The following C14orf39 variants were observed in gnomAD, a reference collection of about 807,000 sequenced individuals.
C14orf39 encodes protein SIX6OS1.
A neutral mutation model predicts 85.6 loss-of-function variants in C14orf39; 66 were observed. The observed-to-expected ratio is 0.77, with a 90% CI of 0.63 to 0.95. The LOEUF is 0.95. C14orf39 is among the 40% of genes least tolerant of loss of function. The pLI is 0.00. For synonymous variants in C14orf39, 242 were observed against 214.0 expected (o/e 1.13, Z -1.14); for missense variants, 735 against 663.9 (o/e 1.11, Z -1.18).
At chr14:60,455,404 C>T (rs768786291) in intron 15 of C14orf39, among the ~76,000 whole-genome samples, 2 of 152,076 alleles carry the variant, frequency 1.3e-5, no homozygotes, top group Non-Finnish European at 2.9e-5. Context: ...TTCCATTTTA[C>T]AGTAGGGAAT....
rs1891311273 is a variant in C14orf39 at position 60,457,042 on chromosome 14, T to C, written c.1233A>G (p.Val411=). 1 of 1,609,516 alleles carries C rather than the reference T, an allele frequency of 6.2e-7. No individual in the cohort carries two copies. The highest frequency in any genetic ancestry group is 8.5e-7 in the Non-Finnish European group (1 of 1,177,592). Reference sequence around the variant, plus strand: ...GTGGAAAATTCTCAGCTCTCTCTTCTACTTCATCACTATCATTTTCTACTG... The same window carrying C: ...GTGGAAAATTCTCAGCTCTCTCTTCCACTTCATCACTATCATTTTCTACTG... The part of the protein sequence containing the change: ...GKSVENDSDE[V]EERAENFPRT... Residue 411 remains valine, a synonymous_variant, in exon 15 of 18, where the codon GTA becomes GTG. Transcript: ENST00000321731.
At chr14:60,458,885 A>C in intron 13 of C14orf39, 146 bp from the exon 14 acceptor site, 1 of 558,610 alleles carries the variant, frequency 1.8e-6, no homozygotes, top group Non-Finnish European at 3.1e-6. Flanking sequence ...ATACATACAG[A>C]TAAGAGAATA....
At chr14:60,473,262 T>C (rs1329497502) in intron 5 of C14orf39, among the ~76,000 whole-genome samples, 2 of 152,226 alleles carry the variant, frequency 1.3e-5, no homozygotes, top group African/African-American at 4.8e-5. Context: ...CTTTGTTTTT[T>C]CTTATAAATT....
chr14:60,497,840 C>G (rs553730860), intron 2 of C14orf39, among the ~76,000 whole-genome samples: 3 of 151,962 alleles, frequency 2.0e-5, no homozygotes, highest in Admixed American at 2.0e-4. Context: ...CAAGTTCGCA[C>G]CACTGCACTC....
At chr14:60,460,374 A>G (rs1311227877) in intron 13 of C14orf39, among the ~76,000 whole-genome samples, 1 of 151,806 alleles carries the variant, frequency 6.6e-6, no homozygotes, top group African/African-American at 2.4e-5. Context: ...TTTCTCCCAG[A>G]AGGAATATCT....
chr14:60,506,809 A>G (rs1446921732), intron 1 of C14orf39, among the ~76,000 whole-genome samples: 3 of 152,198 alleles, frequency 2.0e-5, no homozygotes, highest in African/African-American at 2.4e-5. Context: ...CGCGAGCCTC[A>G]GACACGCAGA....
chr14:60,478,762 T>C (rs1892509632), intron 4 of C14orf39, among the ~76,000 whole-genome samples: 1 of 152,158 alleles, frequency 6.6e-6, no homozygotes, highest in Admixed American at 6.6e-5. Context: ...AAAAATTCTT[T>C]TGGAGTAAGC....
chr14:60,460,968 T>C (rs1354223241), intron 13 of C14orf39, among the ~76,000 whole-genome samples: 1 of 151,732 alleles, frequency 6.6e-6, no homozygotes, highest in Non-Finnish European at 1.5e-5. Context: ...TATACAGTCA[T>C]TACAAATAAA....
intron 16 of C14orf39, among the ~76,000 whole-genome samples, chr14:60,446,339 T>C (rs940510445): frequency 2.0e-5 from 3 of 152,034 alleles, no homozygotes; most frequent in Non-Finnish European, 2.9e-5. Context: ...AAGAATCAAA[T>C]AGATGCAATA....
In C14orf39 at chr14:60,471,655, A is replaced by G; in HGVS notation, c.408T>C (p.Arg136=). The change falls in exon 6 of 18, where the codon CGT becomes CGC. Residue 136 remains arginine (R), a synonymous_variant. Transcript: ENST00000321731. ...GTTCTCTTTTCTTCTCATAATATTC[A>G]CGTGAAAAGGGTGTTTCTGAGTATT... ...QLKYSETPFS[R]EYYEKKREHE... 6.2e-7 allele frequency: 1 copy of G among 1,610,452 alleles called. No homozygotes were observed. The highest frequency in any genetic ancestry group is 8.5e-7 in the Non-Finnish European group (1 of 1,177,662).
intron 1 of C14orf39, among the ~76,000 whole-genome samples, chr14:60,502,311 G>A (rs1297099335): frequency 6.6e-6 from 1 of 151,896 alleles, no homozygotes; most frequent in Non-Finnish European, 1.5e-5. Flanking sequence ...AGGAGAAAAG[G>A]GAACATAAAT....
At chr14:60,447,144 C>A (rs1338285315) in intron 16 of C14orf39, among the ~76,000 whole-genome samples, 1 of 152,298 alleles carries the variant, frequency 6.6e-6, no homozygotes, top group African/African-American at 2.4e-5. Flanking sequence ...GGGCACAAGA[C>A]AAGGATGCCC....
rs17097448 is a variant in C14orf39 at position 60,457,169 on chromosome 14, G to T, written c.1180-74C>A. The T allele has an allele frequency of 7.1e-3, 6,648 of 933,444 alleles. 527 individuals are homozygous for T. In the East Asian group the frequency reaches 0.17, roughly 23 times the overall value. The allele number at this position is 933,444 out of a possible 1,614,324, so 57.8% of individuals were successfully genotyped here. The stretch of plus-strand genomic sequence containing the variant: ...AATGACATACATAAAAATGCATGAG[G>T]TGGAAAATACCTTATTAATCCATGA... On this transcript the variant is annotated intron_variant, in intron 14 of 17. Transcript: ENST00000321731.
rs1891306086 is a variant in C14orf39, at chr14:60,456,955, C to T, written c.1320G>A (p.Leu440=). The T allele has an allele frequency of 2.5e-6, 4 of 1,590,992 alleles. No individual in the cohort carries two copies. Among genetic ancestry groups the T allele is most frequent in the Non-Finnish European group, 3.4e-6 (4 of 1,173,162 alleles). Residue 440 remains leucine, a synonymous_variant, in exon 15 of 18, where the codon TTG becomes TTA. Transcript: ENST00000321731. Reference sequence around the variant, plus strand: ...GGGTTTTAGGGAATTTTATTTTCTCCAATGACTCAGGTGCTTTCACAGCTT... The same window carrying T: ...GGGTTTTAGGGAATTTTATTTTCTCTAATGACTCAGGTGCTTTCACAGCTT... The part of the protein sequence containing the change: ...TPKAVKAPES[L]EKIKFPKTPP...
At chr14:60,438,791 T>C (rs930251926) in intron 17 of C14orf39, among the ~76,000 whole-genome samples, 9 of 152,018 alleles carry the variant, frequency 5.9e-5, no homozygotes, top group East Asian at 3.9e-4. Flanking sequence ...AAGTTGGGGA[T>C]TGCAAGAAGT....
intron 5 of C14orf39, among the ~76,000 whole-genome samples, chr14:60,472,344 T>C (rs1892128860): frequency 6.6e-6 from 1 of 152,106 alleles, no homozygotes; most frequent in Admixed American, 6.6e-5. Context: ...GATGGTCATC[T>C]ATTTAGGCAC....
intron 2 of C14orf39, among the ~76,000 whole-genome samples, chr14:60,492,186 GGA>G (rs1383266002): frequency 6.6e-6 from 1 of 152,112 alleles, no homozygotes; most frequent in Non-Finnish European, 1.5e-5. Flanking sequence ...GACAAAACTT[GGA>G]GTAACATTCT....
rs74514386 is a variant in C14orf39 at position 60,464,576 on chromosome 14, T to A, written c.972+1403A>T. On this transcript the variant is annotated intron_variant, in intron 11 of 17. Coordinates refer to ENST00000321731, the MANE Select transcript of C14orf39 (RefSeq NM_174978.3). ...AGTGTATTGTGGTTTTTATAATTTC[T>A]TGGTAAATTGTTCTTTTTAAAAATA... Among the ~76,000 whole-genome samples the A allele has an allele frequency of 3.0e-3, 455 of 152,224 alleles. 2 individuals carry two copies. The highest frequency in any genetic ancestry group is 0.01 in the African/African-American group (434 of 41,558).
chr14:60,493,976 A>G (rs1219661837), intron 2 of C14orf39: 1 of 171,562 alleles, frequency 5.8e-6, no homozygotes, highest in African/African-American at 2.4e-5. Flanking sequence ...GGAGCTATCC[A>G]TCTTGGAGAC....
Sources: gnomAD v4.1 joint callset for allele counts (sites outside exome capture counted in the v4.1 genomes callset) on GRCh38, gnomAD v4.1.1 for gene constraint, MANE v1.5 for transcripts, NCBI Gene and HGNC (gene_info 2026-07-23, HGNC 2026-07-21) for gene names.